COLEC10: variants seen among roughly 807,000 people sequenced by gnomAD.
The protein encoded by COLEC10 is collectin-10.
COLEC10 carries 22 observed loss-of-function variants against 28.4 expected under a neutral mutation model. The ratio of observed to expected loss-of-function variants is 0.78; its 90% CI spans 0.55 to 1.11. COLEC10 has a LOEUF of 1.11. COLEC10 is among the 50% of genes least tolerant of loss of function. The pLI is 0.00. For synonymous variants in COLEC10, 125 were observed against 116.1 expected (o/e 1.08, Z -0.49); for missense variants, 361 against 344.1 (o/e 1.05, Z -0.39).
intron 2 of COLEC10, among the ~76,000 whole-genome samples, chr8:119,021,353 C>T (rs1323824075): frequency 6.6e-6 from 1 of 152,142 alleles, no homozygotes; most frequent in Non-Finnish European, 1.5e-5. Flanking sequence ...ATAAACAGGT[C>T]CTCTCATTCA....
chr8:119,077,243 A>ATTTTGTTTTTTT (rs1815258027), intron 1 of COLEC10, among the ~76,000 whole-genome samples: 1 of 90,292 alleles, frequency 1.1e-5, no homozygotes, highest in Non-Finnish European at 2.1e-5. Flanking sequence ...GTAGAGAATG[A>ATTTTGTTTTTTT]TTTTTTTTTT....
At chr8:119,033,700 A>G in intron 2 of COLEC10, among the ~76,000 whole-genome samples, 1 of 152,250 alleles carries the variant, frequency 6.6e-6, no homozygotes, top group East Asian at 1.9e-4. Flanking sequence ...ATACCATTTC[A>G]TGCCAGTTAG....
chr8:119,049,481 C>T (rs992689736), intron 2 of COLEC10, among the ~76,000 whole-genome samples: 1 of 120,314 alleles, frequency 8.3e-6, no homozygotes, highest in Non-Finnish European at 1.6e-5. Flanking sequence ...GTGGCGCAAT[C>T]TGGGCTCACT....
chr8:119,044,382 T>C (rs1187823936), intron 2 of COLEC10, among the ~76,000 whole-genome samples: 1 of 152,156 alleles, frequency 6.6e-6, no homozygotes, highest in African/African-American at 2.4e-5. Flanking sequence ...AGTAAGACCA[T>C]GTGGAATGGA....
intron 2 of COLEC10, among the ~76,000 whole-genome samples, chr8:119,044,495 T>G (rs1814553959): frequency 6.6e-6 from 1 of 152,170 alleles, no homozygotes; most frequent in Admixed American, 6.5e-5. Context: ...TTTGCTCGTT[T>G]TTAACAAACA....
upstream of COLEC10, among the ~76,000 whole-genome samples, chr8:118,994,979 G>A (rs1248318276): frequency 6.6e-6 from 1 of 152,068 alleles, no homozygotes; most frequent in Admixed American, 6.6e-5. Context: ...TCAATTCAAT[G>A]TGGGCAAAAG....
intron 2 of COLEC10, among the ~76,000 whole-genome samples, chr8:119,039,211 A>G (rs1344699376): frequency 6.6e-6 from 1 of 151,940 alleles, no homozygotes; most frequent in Admixed American, 6.6e-5. Flanking sequence ...TTAGTCCCTC[A>G]TGCTTCAATT....
chr8:119,044,828 G>A (rs925432098), intron 2 of COLEC10, among the ~76,000 whole-genome samples: 3 of 150,852 alleles, frequency 2.0e-5, no homozygotes, highest in Non-Finnish European at 4.4e-5. Flanking sequence ...ATGGATGACA[G>A]AGTGAGACTG....
chr8:119,056,771 T>TA (rs1041122248), intron 2 of COLEC10, among the ~76,000 whole-genome samples: 3 of 151,592 alleles, frequency 2.0e-5, no homozygotes, highest in East Asian at 3.9e-4. Context: ...GCATTCTTTT[T>TA]AAAAAAAAAT....
At chr8:119,034,253 G>A (rs937789901) in intron 2 of COLEC10, among the ~76,000 whole-genome samples, 3 of 152,060 alleles carry the variant, frequency 2.0e-5, no homozygotes, top group Admixed American at 6.6e-5. Flanking sequence ...AGGATGGGGG[G>A]TGGGGAGGGA....
At chr8:119,091,923 A>C (rs1405488680) in intron 3 of COLEC10, among the ~76,000 whole-genome samples, 2 of 152,222 alleles carry the variant, frequency 1.3e-5, no homozygotes, top group East Asian at 3.8e-4. Flanking sequence ...GATTATTAAT[A>C]AAATACAAAA....
chr8:118,994,058 A>G (rs970966835), upstream of COLEC10, among the ~76,000 whole-genome samples: 1 of 152,182 alleles, frequency 6.6e-6, no homozygotes, highest in African/African-American at 2.4e-5. Context: ...GTCCCACATG[A>G]ATAAACATTT....
chr8:119,032,869 C>T (rs549656527), intron 2 of COLEC10, among the ~76,000 whole-genome samples: 1 of 152,274 alleles, frequency 6.6e-6, no homozygotes, highest in East Asian at 1.9e-4. Context: ...GCCTCTGCAC[C>T]GGAGCCTGGG....
chr8:119,042,276 C>G (rs1259513065), intron 2 of COLEC10, among the ~76,000 whole-genome samples: 1 of 152,046 alleles, frequency 6.6e-6, no homozygotes, highest in Non-Finnish European at 1.5e-5. Flanking sequence ...GGGATTACAA[C>G]CATGAGCCAC....
intron 2 of COLEC10, among the ~76,000 whole-genome samples, chr8:119,015,809 T>G (rs1009609322): frequency 6.6e-6 from 1 of 152,202 alleles, no homozygotes; most frequent in African/African-American, 2.4e-5. Flanking sequence ...TATAACTTCT[T>G]GTTAGGACAG....
At chr8:118,971,007 T>C in the COLEC10 span, among the ~76,000 whole-genome samples, 3 of 152,000 alleles carry the variant, frequency 2.0e-5, no homozygotes, top group Non-Finnish European at 4.4e-5. Flanking sequence ...TGTCTACTAG[T>C]CTTCCTATTT....
chr8:119,067,096 T>G, upstream of COLEC10: 1 of 567,134 alleles, frequency 1.8e-6, no homozygotes, highest in Non-Finnish European at 3.1e-6. Context: ...GTCTGGACAA[T>G]GTATGGTCCA....
At chr8:119,029,106 C>G (rs967555831) in intron 2 of COLEC10, among the ~76,000 whole-genome samples, 1 of 152,058 alleles carries the variant, frequency 6.6e-6, no homozygotes, top group Non-Finnish European at 1.5e-5. Flanking sequence ...TCACTAGCTG[C>G]GGGGAGTCAT....
chr8:118,979,828 C>A, the COLEC10 span, among the ~76,000 whole-genome samples: 1 of 152,080 alleles, frequency 6.6e-6, no homozygotes, highest in Non-Finnish European at 1.5e-5. Flanking sequence ...AAGCTGACAG[C>A]CAGACCATAC....
Sources: allele counts gnomAD v4.1 joint callset (sites outside exome capture counted in the v4.1 genomes callset), GRCh38; gene constraint gnomAD v4.1.1; transcripts MANE v1.5; gene names NCBI Gene and HGNC (gene_info 2026-07-23, HGNC 2026-07-21).